GALNT13: variants seen among roughly 807,000 people sequenced by gnomAD.
The protein encoded by GALNT13 is polypeptide N-acetylgalactosaminyltransferase 13, also known as UDP-GalNAc:polypeptide N-acetylgalactosaminyltransferase 13.
A neutral mutation model predicts 64.2 loss-of-function variants in GALNT13; 28 were observed. That is an observed-to-expected ratio of 0.44 (90% CI 0.32 to 0.60). The LOEUF is 0.60. Among genes scored for constraint, GALNT13 ranks in the 20% least tolerant of loss-of-function variants. The probability of loss-of-function intolerance (pLI) is 0.05; values close to 1 mark genes in which losing one functional copy is unlikely to be tolerated. For synonymous variants in GALNT13, 214 were observed against 224.6 expected (o/e 0.95, Z 0.42); for missense variants, 577 against 669.8 (o/e 0.86, Z 1.53).
chr2:154,123,666 A>G (rs569494911), intron 3 of GALNT13, among the ~76,000 whole-genome samples: 10 of 152,140 alleles, frequency 6.6e-5, no homozygotes, highest in African/African-American at 2.4e-4. Context: ...CATTTCTTAT[A>G]AAGTTAAGAA....
At chr2:153,126,936 T>C in the GALNT13 span, among the ~76,000 whole-genome samples, 4 of 152,188 alleles carry the variant, frequency 2.6e-5, no homozygotes, top group African/African-American at 7.2e-5. Context: ...TAATTTTTCG[T>C]TGGCTGGCTG....
chr2:153,188,070 G>A, the GALNT13 span, among the ~76,000 whole-genome samples: 4 of 151,894 alleles, frequency 2.6e-5, no homozygotes, highest in South Asian at 6.2e-4. Flanking sequence ...ATCTAATAAA[G>A]AGTATATATA....
chr2:153,501,735 A>G, the GALNT13 span, among the ~76,000 whole-genome samples: 1 of 152,230 alleles, frequency 6.6e-6, no homozygotes, highest in Non-Finnish European at 1.5e-5. Context: ...AAAATAATTC[A>G]GTCGACTGAG....
intron 8 of GALNT13, among the ~76,000 whole-genome samples, chr2:154,294,390 CA>C (rs1692802827): frequency 6.6e-6 from 1 of 152,242 alleles, no homozygotes; most frequent in Admixed American, 6.5e-5. Context: ...TTATCTTTGC[CA>C]ATTAAGATGG....
At chr2:153,367,783 T>C in the GALNT13 span, among the ~76,000 whole-genome samples, 1 of 151,996 alleles carries the variant, frequency 6.6e-6, no homozygotes, top group South Asian at 2.1e-4. Flanking sequence ...TTGTAAATCT[T>C]AGAGGGACCA....
At chr2:153,244,784 T>A in the GALNT13 span, among the ~76,000 whole-genome samples, 1 of 152,196 alleles carries the variant, frequency 6.6e-6, no homozygotes, top group East Asian at 1.9e-4. Context: ...GACAGAACTG[T>A]TCACTGCCTT....
At chr2:154,248,259 G>A (rs1689886555) in intron 7 of GALNT13, among the ~76,000 whole-genome samples, 1 of 151,964 alleles carries the variant, frequency 6.6e-6, no homozygotes, top group African/African-American at 2.4e-5. Context: ...TACATCTAAA[G>A]TAAAGCTTAA....
intron 9 of GALNT13, among the ~76,000 whole-genome samples, chr2:154,319,794 G>C (rs1694525085): frequency 6.6e-6 from 1 of 151,996 alleles, no homozygotes; most frequent in Non-Finnish European, 1.5e-5. Context: ...TATCGAACTA[G>C]AAATATTACT....
At chr2:154,349,870 A>G (rs1176314316) in intron 9 of GALNT13, among the ~76,000 whole-genome samples, 1 of 152,210 alleles carries the variant, frequency 6.6e-6, no homozygotes, top group Non-Finnish European at 1.5e-5. Context: ...AAGCATGGCA[A>G]TGCTGGATGG....
At chr2:154,243,333 GAAC>G (rs1689599121) in intron 6 of GALNT13, among the ~76,000 whole-genome samples, 1 of 152,002 alleles carries the variant, frequency 6.6e-6, no homozygotes, top group Non-Finnish European at 1.5e-5. Flanking sequence ...GAAGTGCTGG[GAAC>G]AACAATTCAG....
At chr2:153,812,061 T>C in the GALNT13 span, among the ~76,000 whole-genome samples, 2 of 152,330 alleles carry the variant, frequency 1.3e-5, no homozygotes, top group East Asian at 3.9e-4. Flanking sequence ...TAAGGTTGTT[T>C]TGTGCCCTAT....
chr2:153,832,394 C>G, the GALNT13 span, among the ~76,000 whole-genome samples: 1 of 151,980 alleles, frequency 6.6e-6, no homozygotes, highest in Non-Finnish European at 1.5e-5. Flanking sequence ...TTGCCATAAT[C>G]AAAACAAGTT....
the GALNT13 span, among the ~76,000 whole-genome samples, chr2:153,656,011 T>G: frequency 6.6e-6 from 1 of 152,128 alleles, no homozygotes; most frequent in African/African-American, 2.4e-5. Context: ...TCTTTATCAT[T>G]TGAAAGCTTG....
the GALNT13 span, among the ~76,000 whole-genome samples, chr2:153,677,280 G>T: frequency 2.6e-5 from 3 of 114,370 alleles, no homozygotes; most frequent in Admixed American, 9.7e-5. Context: ...ATTCACAATA[G>T]ACATACACAC....
the GALNT13 span, among the ~76,000 whole-genome samples, chr2:153,218,691 A>T: frequency 6.6e-6 from 1 of 152,222 alleles, no homozygotes; most frequent in Admixed American, 6.5e-5. Flanking sequence ...AGAAGAGCTT[A>T]TAAGTAGTTG....
the GALNT13 span, among the ~76,000 whole-genome samples, chr2:153,811,684 A>G: frequency 6.6e-6 from 1 of 152,126 alleles, no homozygotes; most frequent in African/African-American, 2.4e-5. Flanking sequence ...TGGAGCTTCC[A>G]CCCTTGTGGC....
chr2:153,423,448 A>G, the GALNT13 span: 1 of 151,924 alleles, frequency 6.6e-6, no homozygotes, highest in African/African-American at 2.4e-5. Flanking sequence ...TTAAATCGAG[A>G]ACAAGGCCTC....
At chr2:154,253,650 A>C (rs545577170) in intron 7 of GALNT13, among the ~76,000 whole-genome samples, 1 of 152,304 alleles carries the variant, frequency 6.6e-6, no homozygotes, top group East Asian at 1.9e-4. Flanking sequence ...ATAAAATACT[A>C]TCAAACTCAA....
chr2:153,610,450 G>A, the GALNT13 span, among the ~76,000 whole-genome samples: 3 of 152,098 alleles, frequency 2.0e-5, no homozygotes, highest in African/African-American at 4.8e-5. Context: ...CAAGGTGGGC[G>A]GATCACCTGA....
Sources: gnomAD v4.1 joint callset for allele counts (sites outside exome capture counted in the v4.1 genomes callset) on GRCh38, gnomAD v4.1.1 for gene constraint, MANE v1.5 for transcripts, NCBI Gene and HGNC (gene_info 2026-07-23, HGNC 2026-07-21) for gene names.